Variants in NCAM1 observed in about 807,000 individuals in gnomAD.
NCAM1 encodes antigen recognized by monoclonal antibody 5.1H11.
Under a neutral mutation model 109.8 loss-of-function variants are expected in NCAM1, and 14 were observed. That is an observed-to-expected ratio of 0.13 (90% confidence interval 0.08 to 0.20). The LOEUF is 0.20. NCAM1 is among the 10% of genes least tolerant of loss of function. The pLI is 1.00. For synonymous variants in NCAM1, 418 were observed against 442.9 expected (o/e 0.94, Z 0.70); for missense variants, 774 against 1,109.9 (o/e 0.70, Z 4.30).
At chr11:113,251,589 A>C (rs1479437650) in intron 15 of NCAM1, among the ~76,000 whole-genome samples, 2 of 152,136 alleles carry the variant, frequency 1.3e-5, no homozygotes, top group African/African-American at 4.8e-5. Context: ...TTTCTTTTTA[A>C]TGTTCCGTTG....
At chr11:113,257,275 G>A (rs986106462) in intron 16 of NCAM1, among the ~76,000 whole-genome samples, 27 of 152,176 alleles carry the variant, frequency 1.8e-4, no homozygotes, top group Non-Finnish European at 2.9e-5. Context: ...TCCTGATGTG[G>A]CCCCATGGAC....
At chr11:113,265,236 T>G (rs1471772018) in intron 17 of NCAM1, 43 of 904,344 alleles carry the variant, frequency 4.8e-5, no homozygotes, top group Non-Finnish European at 5.6e-5. Context: ...TAGTTGTGTC[T>G]GACAAAGCAG....
chr11:113,089,547 C>A (rs1555088983), intron 1 of NCAM1, among the ~76,000 whole-genome samples: 1 of 152,148 alleles, frequency 6.6e-6, no homozygotes. Flanking sequence ...CCACCCACCT[C>A]CACCTCCCAA....
At chr11:112,993,769 A>G (rs1408466843) in intron 1 of NCAM1, among the ~76,000 whole-genome samples, 9 of 152,222 alleles carry the variant, frequency 5.9e-5, no homozygotes, top group African/African-American at 2.2e-4. Context: ...CTGAGGAGCC[A>G]AGTGGTATAC....
At chr11:113,029,951 T>G (rs929888063) in intron 1 of NCAM1, among the ~76,000 whole-genome samples, 1 of 152,200 alleles carries the variant, frequency 6.6e-6, no homozygotes, top group Admixed American at 6.5e-5. Flanking sequence ...CCAAAGAGAC[T>G]GATTGTCAGT....
chr11:113,106,217 G>A (rs1181956302), intron 1 of NCAM1, among the ~76,000 whole-genome samples: 8 of 152,148 alleles, frequency 5.3e-5, no homozygotes, highest in African/African-American at 9.7e-5. Flanking sequence ...TGATGAGTAC[G>A]TTGTGGTGGC....
At chr11:113,200,449 G>A (rs1236238881) in intron 1 of NCAM1, among the ~76,000 whole-genome samples, 1 of 152,214 alleles carries the variant, frequency 6.6e-6, no homozygotes, top group African/African-American at 2.4e-5. Flanking sequence ...TCCAAGGGTT[G>A]TTACTTGGGG....
chr11:113,170,770 G>A (rs1555106067), intron 1 of NCAM1, among the ~76,000 whole-genome samples: 1 of 152,164 alleles, frequency 6.6e-6, no homozygotes, highest in Non-Finnish European at 1.5e-5. Context: ...ATACTACATG[G>A]AATAGACATT....
rs750271457 is a variant in NCAM1, at chr11:112,962,213, A to G, written c.52+549A>G. On this transcript the variant is annotated intron_variant, in intron 1 of 19. Transcript: ENST00000316851. The surrounding 1 kb of genome is among the most constrained non-coding windows in gnomAD (Gnocchi z 5.6). ...CGCCCCAGAAGAATAACGGTTTGCA[A>G]AATGGGGCAAAATGGGCAGAATCGC... Among the ~76,000 whole-genome samples the G allele has an allele frequency of 2.0e-5, 3 of 152,184 alleles. No individual in the cohort carries two copies. The highest frequency in any genetic ancestry group is 6.5e-5 in the Admixed American group (1 of 15,288).
At chr11:113,231,932 T>A (rs1945021763) in intron 10 of NCAM1, 137 bp downstream of exon 10, 5 of 1,259,918 alleles carry the variant, frequency 4.0e-6, no homozygotes, top group Non-Finnish European at 3.3e-6. Context: ...CTGGGCTATT[T>A]CAGAGCTCTG....
chr11:113,000,841 T>C (rs376308913), intron 1 of NCAM1, among the ~76,000 whole-genome samples: 65,927 of 103,586 alleles, frequency 0.64, 16,369 homozygotes, highest in East Asian at 0.82. Flanking sequence ...TATATATATA[T>C]ATATATACAC....
rs1344525998 is a variant in NCAM1, at chr11:113,159,388, T to A, written c.53-42991T>A. Among the ~76,000 whole-genome samples, 4 of 152,288 alleles carry A rather than the reference T, an allele frequency of 2.6e-5. No homozygotes were observed. In the East Asian group the frequency reaches 7.7e-4, roughly 29 times the overall value. ...CTGTTGGAAATAAAATAATACTAGA[T>A]AATTAGGCAATATCCAGAATTGCAG... On this transcript the variant is annotated intron_variant, in intron 1 of 19. Transcript: ENST00000316851.
At chr11:113,262,951 G>A in intron 17 of NCAM1, 3 of 1,608,922 alleles carry the variant, frequency 1.9e-6, no homozygotes, top group Non-Finnish European at 2.5e-6. Context: ...AATTAAATTT[G>A]CTTAAAAGCC....
At chr11:113,008,623 T>C (rs1232022780) in intron 1 of NCAM1, among the ~76,000 whole-genome samples, 2 of 152,234 alleles carry the variant, frequency 1.3e-5, no homozygotes, top group African/African-American at 4.8e-5. Context: ...GCCATTCTTC[T>C]TGATACTAAA....
chr11:113,151,605 A>G (rs1296237076), intron 1 of NCAM1, among the ~76,000 whole-genome samples: 3 of 152,220 alleles, frequency 2.0e-5, no homozygotes, highest in African/African-American at 7.2e-5. Flanking sequence ...CATTCCACTC[A>G]CTATTGCATG....
chr11:113,052,183 G>A (rs914047876), intron 1 of NCAM1, among the ~76,000 whole-genome samples: 4 of 152,204 alleles, frequency 2.6e-5, no homozygotes, highest in Non-Finnish European at 5.9e-5. Flanking sequence ...TGAATTGGAT[G>A]TGCTGGTGAT....
At position 113,207,186 on chromosome 11, in the gene NCAM1, G is replaced by T. The variant is rs1377337492; in HGVS notation, c.629-75G>T. 7 of 1,147,478 alleles carry T rather than the reference G, an allele frequency of 6.1e-6. No individual in the cohort carries two copies. In the East Asian group the frequency reaches 1.4e-4, roughly 23 times the overall value. 71.1% of individuals were successfully genotyped at this position (1,147,478 alleles called of 1,614,324 possible). The stretch of plus-strand genomic sequence containing the variant: ...ACAGGCTGAGAACTCCTGACCTGGA[G>T]TGGTGTCTCTTCTCCAGGCCATTGG... On this transcript the variant is annotated intron_variant, in intron 5 of 19. Transcript: ENST00000316851.
intron 1 of NCAM1, among the ~76,000 whole-genome samples, chr11:113,144,147 A>T (rs1467852272): frequency 2.6e-5 from 4 of 152,158 alleles, no homozygotes; most frequent in African/African-American, 4.8e-5. Context: ...TCTGGTTTCT[A>T]ATCTGTAAAT....
In NCAM1 at chr11:113,233,436, T is replaced by A; in HGVS notation, c.1693+119T>A. On this transcript the variant is annotated intron_variant, in intron 13 of 19. Coordinates refer to ENST00000316851, the MANE Select transcript of NCAM1 (RefSeq NM_181351.5). The surrounding 1 kb of genome is among the most constrained non-coding windows in gnomAD (Gnocchi z 4.5). Reference sequence around the variant, plus strand: ...CAGGAACTGCACCTCCAGAATTAGGTCAAAGTCATATCTGCCTGTAGAGTT... The same window carrying A: ...CAGGAACTGCACCTCCAGAATTAGGACAAAGTCATATCTGCCTGTAGAGTT... The A allele has an allele frequency of 8.9e-7, 1 of 1,117,642 alleles. No individual in the cohort carries two copies. The highest frequency in any genetic ancestry group is 1.3e-6 in the Non-Finnish European group (1 of 782,774). 69.2% of individuals were successfully genotyped at this position (1,117,642 alleles called of 1,614,324 possible).
Sources: allele counts gnomAD v4.1 joint callset (sites outside exome capture counted in the v4.1 genomes callset), GRCh38; gene constraint gnomAD v4.1.1; non-coding constraint Gnocchi (gnomAD v3.1); transcripts MANE v1.5; gene names NCBI Gene and HGNC (gene_info 2026-07-23, HGNC 2026-07-21).